The following DDI2 variants were observed in gnomAD, a reference collection of about 807,000 sequenced individuals.
The protein encoded by DDI2 is protein DDI1 homolog 2.
Under a neutral mutation model 48.1 loss-of-function variants are expected in DDI2, and 5 were observed. The observed-to-expected ratio is 0.10, with a 90% CI of 0.05 to 0.22. The LOEUF (loss-of-function observed/expected upper bound fraction) is 0.22. Ranked by LOEUF, DDI2 falls within the 10% of genes least tolerant of loss-of-function variation. DDI2 has a pLI of 1.00. For missense variants in DDI2, 285 were observed against 506.2 expected (o/e 0.56, Z 4.19); for synonymous variants, 205 against 183.6 (o/e 1.12, Z -0.94).
At chr1:15,646,439 C>T (rs538068994) in intron 6 of DDI2, among the ~76,000 whole-genome samples, 1 of 152,328 alleles carries the variant, frequency 6.6e-6, no homozygotes, top group African/African-American at 2.4e-5. Flanking sequence ...GTAATCCCAG[C>T]ACTTTGGGAC....
chr1:15,623,387 C>CTTCT (rs1553152999), intron 1 of DDI2, among the ~76,000 whole-genome samples: 1 of 107,516 alleles, frequency 9.3e-6, no homozygotes, highest in African/African-American at 3.8e-5. Flanking sequence ...TTTTCTTCTT[C>CTTCT]TTTTTTTTTT....
Position 15,662,976 on chromosome 1 carries a change from T to A in DDI2, c.*3186T>A, listed in dbSNP as rs1235247980. The A allele has an allele frequency of 6.6e-6, 1 of 152,226 alleles. No homozygotes were observed. The highest frequency in any genetic ancestry group is 2.4e-5 in the African/African-American group (1 of 41,462). The allele number at this position is 152,226 out of a possible 1,614,324, so 9.4% of individuals were successfully genotyped here. On this transcript the variant is annotated 3_prime_UTR_variant, in exon 10 of 10. Coordinates refer to ENST00000480945, the MANE Select transcript of DDI2 (RefSeq NM_032341.5). ...AGATGTATTTATTGTGGCCTTTTTT[T>A]ATATAAGGACTAGCCCTTGGAAATC...
intron 3 of DDI2, among the ~76,000 whole-genome samples, chr1:15,631,644 C>T (rs1415281587): frequency 1.3e-5 from 2 of 152,164 alleles, no homozygotes; most frequent in Non-Finnish European, 2.9e-5. Context: ...AATCAAGACA[C>T]AGGACATTTC....
chr1:15,621,106 C>T (rs1297912190), intron 1 of DDI2, among the ~76,000 whole-genome samples: 1 of 152,192 alleles, frequency 6.6e-6, no homozygotes, highest in Non-Finnish European at 1.5e-5. Flanking sequence ...TGGGCATGTT[C>T]TGTCTCTTAA....
intron 6 of DDI2, among the ~76,000 whole-genome samples, chr1:15,648,302 A>T (rs1478994336): frequency 7.2e-5 from 11 of 152,178 alleles, no homozygotes; most frequent in Non-Finnish European, 1.6e-4. Context: ...ATCCTTGTGG[A>T]TTTTACAACC....
In DDI2 at chr1:15,626,631, C is replaced by T. The variant is rs72871771; in HGVS notation, c.139-38C>T. On this transcript the variant is annotated intron_variant, in intron 1 of 9. Transcript: ENST00000480945. ...TTCTGCCTTGCGCTGTGTTACTTCTCAGTGCTTTATACTGTTGTATATCTT... is the reference window on the plus strand; with the variant it reads ...TTCTGCCTTGCGCTGTGTTACTTCTTAGTGCTTTATACTGTTGTATATCTT... 1.1e-3 allele frequency: 1,817 copies of T among 1,612,342 alleles called. 25 individuals are homozygous for T. The African/African-American group carries it at 0.021, about 19-fold the overall frequency.
At chr1:15,656,303 A>T (rs1416794279) in intron 8 of DDI2, 1 of 797,196 alleles carries the variant, frequency 1.3e-6, no homozygotes, top group East Asian at 5.3e-5. Context: ...TAATCACCTA[A>T]TTCGATCAGG....
intron 4 of DDI2, among the ~76,000 whole-genome samples, chr1:15,634,767 C>A (rs982220915): frequency 6.6e-6 from 1 of 151,822 alleles, no homozygotes; most frequent in Non-Finnish European, 1.5e-5. Flanking sequence ...CCTGAGCTCA[C>A]GCAATCCACG....
rs1370710366 is a variant in DDI2, at chr1:15,662,348, C to T, written c.*2558C>T. The T allele has an allele frequency of 6.6e-6, 1 of 152,180 alleles. No individual in the cohort carries two copies. Among genetic ancestry groups the T allele is most frequent in the African/African-American group, 2.4e-5 (1 of 41,420 alleles). 9.4% of individuals were successfully genotyped at this position (152,180 alleles called of 1,614,324 possible). Reference sequence around the variant, plus strand: ...GGATTTGACATTTTAATAGGGCGAGCAGGAGGGTTTAAATCTTGGGCTACT... The same window carrying T: ...GGATTTGACATTTTAATAGGGCGAGTAGGAGGGTTTAAATCTTGGGCTACT... On this transcript the variant is annotated 3_prime_UTR_variant, in exon 10 of 10. Transcript: ENST00000480945.
chr1:15,618,476 T>C (rs1339618356), intron 1 of DDI2, among the ~76,000 whole-genome samples: 1 of 152,246 alleles, frequency 6.6e-6, no homozygotes, highest in Non-Finnish European at 1.5e-5. Flanking sequence ...GTTTCGGTTC[T>C]ACCCTGGTAG....
chr1:15,640,567 G>A (rs973226061), intron 5 of DDI2, among the ~76,000 whole-genome samples: 2 of 152,194 alleles, frequency 1.3e-5, no homozygotes, highest in Non-Finnish European at 2.9e-5. Context: ...TCTGACCGAG[G>A]TGCTCAGGAG....
chr1:15,628,893 A>G (rs7535836), intron 2 of DDI2, among the ~76,000 whole-genome samples: 37,183 of 152,092 alleles, frequency 0.24, 5,075 homozygotes, highest in African/African-American at 0.36. Flanking sequence ...GACAACTACA[A>G]GTCTACTTTC....
chr1:15,632,529 A>T (rs1001698214), intron 3 of DDI2, among the ~76,000 whole-genome samples: 18 of 152,102 alleles, frequency 1.2e-4, no homozygotes, highest in Non-Finnish European at 2.2e-4. Context: ...GCGAAACTCC[A>T]TCTCAAAAAA....
intron 9 of DDI2, 114 bp downstream of exon 9, chr1:15,656,793 C>A: frequency 1.4e-6 from 2 of 1,478,536 alleles, no homozygotes; most frequent in South Asian, 2.4e-5. Context: ...TCACCTTGTT[C>A]AATCTGGTTA....
chr1:15,659,944 C>T lies in DDI2; in HGVS notation c.*154C>T. On this transcript the variant is annotated 3_prime_UTR_variant, in exon 10 of 10. Coordinates refer to ENST00000480945, the MANE Select transcript of DDI2 (RefSeq NM_032341.5). ...AGGACAGAGTCCTGATGTTGGTAATCCTATGAGTCTTGCTCGCTCTGTCTC... is the reference window on the plus strand; with the variant it reads ...AGGACAGAGTCCTGATGTTGGTAATTCTATGAGTCTTGCTCGCTCTGTCTC... The T allele has an allele frequency of 6.2e-7, 1 of 1,613,962 alleles. No individual in the cohort carries two copies. The highest frequency in any genetic ancestry group is 8.5e-7 in the Non-Finnish European group (1 of 1,179,954).
At chr1:15,630,272 G>A (rs919161439) in intron 2 of DDI2, 53 bp from the exon 3 acceptor site, 6 of 1,562,972 alleles carry the variant, frequency 3.8e-6, no homozygotes, top group African/African-American at 1.4e-5. Flanking sequence ...TTTCCTTCAA[G>A]TGCTTGTTTT....
intron 6 of DDI2, among the ~76,000 whole-genome samples, chr1:15,645,800 A>G (rs1277053973): frequency 6.7e-6 from 1 of 150,192 alleles, no homozygotes; most frequent in African/African-American, 2.5e-5. Context: ...AGCCAGGGAG[A>G]TAGAGGCTGC....
chr1:15,634,563 C>T (rs544556286), intron 4 of DDI2, among the ~76,000 whole-genome samples: 2 of 13,668 alleles, frequency 1.5e-4, no homozygotes, highest in African/African-American at 1.7e-3. Flanking sequence ...GACAAGGTCT[C>T]ACTCTGTCAC....
At position 15,663,388 on chromosome 1, in the gene DDI2, A is replaced by G. The variant is rs186393042; in HGVS notation, c.*3598A>G. On this transcript the variant is annotated 3_prime_UTR_variant, in exon 10 of 10. Coordinates refer to ENST00000480945, the MANE Select transcript of DDI2 (RefSeq NM_032341.5). ...TCCAACTTCTTTCTTTCCTTTTGCT[A>G]TGATGTTTGTATGTATGTTATAAGA... is the stretch of plus-strand genomic sequence containing the variant. The G allele has an allele frequency of 6.6e-6, 1 of 152,200 alleles. No homozygotes were observed. Among genetic ancestry groups the G allele is most frequent in the East Asian group, 1.9e-4 (1 of 5,186 alleles). 9.4% of individuals were successfully genotyped at this position (152,200 alleles called of 1,614,324 possible). A position where few individuals can be genotyped will look rare whatever the true frequency, so the allele number is the denominator to read the frequency against.
Sources: gnomAD v4.1 joint callset for allele counts (sites outside exome capture counted in the v4.1 genomes callset) on GRCh38, gnomAD v4.1.1 for gene constraint, MANE v1.5 for transcripts, NCBI Gene and HGNC (gene_info 2026-07-23, HGNC 2026-07-21) for gene names.